TG: variants seen among roughly 807,000 people sequenced by gnomAD.
TG encodes the protein thyroglobulin, also known as thyroid hormones.
TG carries 270 observed loss-of-function variants against 324.7 expected under a neutral mutation model. That is an observed-to-expected ratio of 0.83 (90% CI 0.75 to 0.92). The LOEUF is 0.92. Ranked by LOEUF, TG falls within the 40% of genes least tolerant of loss-of-function variation. TG has a pLI of 0.00. For missense variants in TG, 3,591 were observed against 3,456.4 expected, an observed-to-expected ratio of 1.04 and a Z score of -0.98; for synonymous variants, 1,401 against 1,327.0, an observed-to-expected ratio of 1.06 and a Z score of -1.21.
chr8:132,957,784 C>CACA, intron 27 of TG, among the ~76,000 whole-genome samples: 2 of 145,742 alleles, frequency 1.4e-5, no homozygotes, highest in African/African-American at 5.4e-5. Flanking sequence ...CACACACACA[C>CACA]GTATGTATAT....
intron 2 of TG, 88 bp downstream of exon 2, chr8:132,868,311 C>A: frequency 8.5e-7 from 1 of 1,180,862 alleles, no homozygotes; most frequent in Non-Finnish European, 1.2e-6. Context: ...GAGCTCTGCC[C>A]TGCAACTCCT....
rs551831566 is a variant in TG at position 132,909,985 on chromosome 8, T to C, written c.4003-1392T>C. ...TTGTTTTGGAGATTAAACTAGCTAA[T>C]ATGTTTAAAGCACTTCACACAGGGC... On this transcript the variant is annotated intron_variant, in intron 18 of 47. Transcript: ENST00000220616. 3.9e-5 allele frequency among the ~76,000 whole-genome samples: 6 copies of C among 152,326 alleles called. No homozygotes were observed. In the South Asian group the frequency reaches 1.2e-3, roughly 32 times the overall value.
At chr8:133,128,528 C>T (rs963000282) in intron 45 of TG, among the ~76,000 whole-genome samples, 18 of 152,038 alleles carry the variant, frequency 1.2e-4, no homozygotes, top group Admixed American at 2.0e-4. Context: ...TATGAGCATC[C>T]GATATACCAT....
At chr8:132,929,447 TA>T (rs1822367267) in intron 23 of TG, among the ~76,000 whole-genome samples, 1 of 152,204 alleles carries the variant, frequency 6.6e-6, no homozygotes, top group Non-Finnish European at 1.5e-5. Context: ...TAGTTTGGCA[TA>T]GATCTATGTG....
In TG at chr8:132,888,271, C is replaced by G. The variant is rs762678896; in HGVS notation, c.2464C>G (p.Gln822Glu). 1 of 1,614,168 alleles carries G rather than the reference C, an allele frequency of 6.2e-7. No homozygotes were observed. Among genetic ancestry groups the G allele is most frequent in the Non-Finnish European group, 8.5e-7 (1 of 1,180,040 alleles). Residue 822 changes from glutamine (Q) to glutamate (E), a missense_variant, in exon 10 of 48, where the codon CAA (glutamine) becomes GAA (glutamate). Gln to Glu is a conservative substitution (Grantham distance 29). Coordinates refer to ENST00000220616, the MANE Select transcript of TG (RefSeq NM_003235.5). ...TTCCGGAAACTTCAGTCTCTTTATT[C>G]AAAGTCTGTATGAGGCTGGCCAGCA... is the stretch of plus-strand genomic sequence containing the variant. Reference protein sequence around the residue: ...AASGNFSLFIQSLYEAGQQDV... With the variant: ...AASGNFSLFIESLYEAGQQDV...
intron 41 of TG, among the ~76,000 whole-genome samples, chr8:133,078,354 G>C (rs921066860): frequency 2.6e-5 from 4 of 152,248 alleles, no homozygotes; most frequent in African/African-American, 9.6e-5. Flanking sequence ...GGAAGAGCAG[G>C]AGGTGGACTT....
At chr8:133,045,237 C>G in intron 41 of TG, 1 of 962,432 alleles carries the variant, frequency 1.0e-6, no homozygotes, top group South Asian at 1.5e-5. Context: ...AACAGTGATG[C>G]TAGGATGCAG....
rs187709550 is a variant in TG, at chr8:132,934,618, C to T, written c.4932+942C>T. Among the ~76,000 whole-genome samples, 1,082 of 152,312 alleles carry T rather than the reference C, an allele frequency of 7.1e-3. 7 individuals carry two copies. The highest frequency in any genetic ancestry group is 0.012 in the Non-Finnish European group (840 of 68,028). On this transcript the variant is annotated intron_variant, in intron 24 of 47. Coordinates refer to ENST00000220616, the MANE Select transcript of TG (RefSeq NM_003235.5). Reference sequence around the variant, plus strand: ...TTCTTTTTGCTCTCCAAGGCTCTTCCTCCTCTCCCCAGGCCATTGCCTCTT... The same window carrying T: ...TTCTTTTTGCTCTCCAAGGCTCTTCTTCCTCTCCCCAGGCCATTGCCTCTT...
chr8:133,015,735 A>G (rs909139425), intron 37 of TG, among the ~76,000 whole-genome samples: 9 of 152,100 alleles, frequency 5.9e-5, no homozygotes, highest in African/African-American at 2.2e-4. Context: ...CTTGCCCAAG[A>G]CCCCTTGATT....
At chr8:133,104,255 T>G (rs576976737) in intron 43 of TG, among the ~76,000 whole-genome samples, 28 of 152,294 alleles carry the variant, frequency 1.8e-4, no homozygotes, top group Admixed American at 4.6e-4. Flanking sequence ...ATCAGAAAAG[T>G]GACTTTATTC....
In TG at chr8:132,893,817, C is replaced by G. The variant is rs1424830864; in HGVS notation, c.2889C>G (p.Ile963Met). ...LGESFLVAKG[I>M]RLRNEDLGLP... ...AGAGTTTCCTGGTGGCCAAGGGAAT[C>G]CGGCTGAGGAATGAGGACCTCGGCC... is the stretch of plus-strand genomic sequence containing the variant. The change falls in exon 11 of 48, where the codon ATC becomes ATG. Residue 963 changes from isoleucine (I) to methionine (M), a missense_variant. Physicochemically the swap from Ile to Met is conservative, Grantham distance 10 (BLOSUM62 1). Coordinates refer to ENST00000220616, the MANE Select transcript of TG (RefSeq NM_003235.5). 1.7e-5 allele frequency: 28 copies of G among 1,614,034 alleles called. No homozygotes were observed. The highest frequency in any genetic ancestry group is 2.4e-5 in the Non-Finnish European group (28 of 1,179,950).
In TG at chr8:133,134,865, C is replaced by T. The variant is rs1852231256; in HGVS notation, c.*71C>T. The stretch of plus-strand genomic sequence containing the variant: ...TGGTCATCTTTTTCTCTAAAATAGC[C>T]ACTTACCTTCAATAAAGTATCTACA... On this transcript the variant is annotated 3_prime_UTR_variant, in exon 48 of 48. Coordinates refer to ENST00000220616, the MANE Select transcript of TG (RefSeq NM_003235.5). 1 of 1,164,108 alleles carries T rather than the reference C, an allele frequency of 8.6e-7. No individual in the cohort carries two copies. The highest frequency in any genetic ancestry group is 1.3e-6 in the Non-Finnish European group (1 of 773,138). The allele number at this position is 1,164,108 out of a possible 1,614,324, so 72.1% of individuals were successfully genotyped here.
At chr8:133,095,774 T>C (rs2131640094) in intron 42 of TG, among the ~76,000 whole-genome samples, 1 of 152,340 alleles carries the variant, frequency 6.6e-6, no homozygotes, top group Admixed American at 6.5e-5. Context: ...CCTGATCGCC[T>C]TAGCAATGAG....
chr8:132,911,551 A>G lies in TG; in HGVS notation c.4159+18A>G, dbSNP rs1160789370. 4 of 1,599,316 alleles carry G rather than the reference A, an allele frequency of 2.5e-6. No individual in the cohort carries two copies. Among genetic ancestry groups the G allele is most frequent in the Non-Finnish European group, 3.4e-6 (4 of 1,166,644 alleles). On this transcript the variant is annotated intron_variant, in intron 19 of 47. Coordinates refer to ENST00000220616, the MANE Select transcript of TG (RefSeq NM_003235.5). ...TGACATTGGTATGTTTTTCTGTGGT[A>G]GTACCTAGAATAAGCTATGCAGCCT...
intron 28 of TG, 144 bp downstream of exon 28, chr8:132,961,217 GA>G: frequency 1.2e-6 from 1 of 860,288 alleles, no homozygotes. Context: ...CTGTGGAATA[GA>G]AGGGCTCCAA....
chr8:132,937,414 G>A (rs762315273), intron 25 of TG, among the ~76,000 whole-genome samples: 1 of 152,150 alleles, frequency 6.6e-6, no homozygotes, highest in Non-Finnish European at 1.5e-5. Context: ...TTCACCTAAT[G>A]CCTTCATCCC....
At chr8:133,023,894 C>T (rs945048383) in intron 40 of TG, among the ~76,000 whole-genome samples, 9 of 152,184 alleles carry the variant, frequency 5.9e-5, no homozygotes, top group Admixed American at 5.2e-4. Context: ...GGGAAGGAAA[C>T]GGAAGCTTCC....
chr8:132,882,109 C>T (rs1415247986), intron 6 of TG, 140 bp downstream of exon 6: 16 of 665,352 alleles, frequency 2.4e-5, no homozygotes, highest in Middle Eastern at 8.0e-4. Flanking sequence ...GAGGAGGACA[C>T]AACCTTAGCA....
In TG at chr8:132,887,319, A is replaced by G; in HGVS notation, c.1947A>G (p.Ser649=). The change falls in exon 9 of 48, where the codon TCA becomes TCG. Residue 649 remains serine (S), a synonymous_variant. Coordinates refer to ENST00000220616, the MANE Select transcript of TG (RefSeq NM_003235.5). Reference sequence around the variant, plus strand: ...CCTGGGGCAAAGAGCTTCCAGGCTCAAGAGTCAGAGGTGGACAGCCAAGGT... The same window carrying G: ...CCTGGGGCAAAGAGCTTCCAGGCTCGAGAGTCAGAGGTGGACAGCCAAGGT... ...VNSWGKELPG[S]RVRGGQPRCP... is the part of the protein sequence containing the mutation. The G allele has an allele frequency of 1.2e-6, 2 of 1,608,818 alleles. No individual in the cohort carries two copies. Among genetic ancestry groups the G allele is most frequent in the African/African-American group, 1.3e-5 (1 of 74,936 alleles).
Sources: gnomAD v4.1 joint callset for allele counts (sites outside exome capture counted in the v4.1 genomes callset) on GRCh38, gnomAD v4.1.1 for gene constraint, MANE v1.5 for transcripts, NCBI Gene and HGNC (gene_info 2026-07-23, HGNC 2026-07-21) for gene names.